The following DNASE2 variants were observed in gnomAD, a reference collection of about 807,000 sequenced individuals.
The protein encoded by DNASE2 is deoxyribonuclease 2, lysosomal, also known as deoxyribonuclease-2-alpha.
In DNASE2, 26 loss-of-function variants were observed where a neutral mutation model predicts 29.8. The ratio of observed to expected loss-of-function variants is 0.87; its 90% CI spans 0.64 to 1.21. DNASE2 has a LOEUF of 1.21. DNASE2 is among the 50% of genes most tolerant of loss of function. The pLI, the probability that DNASE2 is intolerant of heterozygous loss-of-function variation, is 0.00. For synonymous variants in DNASE2, 186 were observed against 193.5 expected, an observed-to-expected ratio of 0.96 and a Z score of 0.32; for missense variants, 415 against 455.6, an observed-to-expected ratio of 0.91 and a Z score of 0.81.
chr19:12,877,235 A>G (rs1970331715), intron 5 of DNASE2, among the ~76,000 whole-genome samples: 1 of 151,052 alleles, frequency 6.6e-6, no homozygotes, highest in South Asian at 2.1e-4. Context: ...GAGTGTTTTT[A>G]ATTAATTAAC....
At chr19:12,879,200 A>T (rs886969119) in intron 3 of DNASE2, among the ~76,000 whole-genome samples, 2 of 151,320 alleles carry the variant, frequency 1.3e-5, no homozygotes, top group African/African-American at 4.9e-5. Flanking sequence ...ATAAAAATTT[A>T]AAAAAAGAAG....
At chr19:12,878,992 A>G (rs1238161135) in intron 3 of DNASE2, among the ~76,000 whole-genome samples, 158 bp from the exon 4 acceptor site, 1 of 151,508 alleles carries the variant, frequency 6.6e-6, no homozygotes, top group African/African-American at 2.4e-5. Flanking sequence ...AAAATACAAA[A>G]ATTAGCTGAG....
intron 3 of DNASE2, among the ~76,000 whole-genome samples, chr19:12,879,950 C>A (rs1970361715): frequency 6.6e-6 from 1 of 151,876 alleles, no homozygotes; most frequent in Admixed American, 6.6e-5. Flanking sequence ...CTAAAACATA[C>A]AACATTTAGC....
In DNASE2 at chr19:12,876,139, T is replaced by C; in HGVS notation, c.934A>G (p.Met312Val). 1.2e-6 allele frequency: 2 copies of C among 1,614,212 alleles called. No individual in the cohort carries two copies. Among genetic ancestry groups the C allele is most frequent in the Non-Finnish European group, 8.5e-7 (1 of 1,180,030 alleles). Residue 312 changes from methionine to valine, a missense_variant, in exon 6 of 6, where the codon ATG becomes GTG. Coordinates refer to ENST00000222219, the MANE Select transcript of DNASE2 (RefSeq NM_001375.3). ...PKGPWTCVGD[M>V]NRNQGEEQRG... ...TGCTCCTCTCCCTGGTTCCGATTCA[T>C]GTCACCCACGCAGGTCCAGGGCCCT... is the stretch of plus-strand genomic sequence containing the variant.
chr19:12,875,708 C>A lies in DNASE2; in HGVS notation c.*282G>T. 3.3e-6 allele frequency: 1 copy of A among 300,402 alleles called. No homozygotes were observed. Among genetic ancestry groups the A allele is most frequent in the Non-Finnish European group, 6.3e-6 (1 of 158,522 alleles). The allele number at this position is 300,402 out of a possible 1,614,324, so 18.6% of individuals were successfully genotyped here. Reference sequence around the variant, plus strand: ...TGCACCCACCCGTCCCCCGCCCCCCCTTTTTTTTTGAAACAGAGTCTTGCT... The same window carrying A: ...TGCACCCACCCGTCCCCCGCCCCCCATTTTTTTTTGAAACAGAGTCTTGCT... On this transcript the variant is annotated 3_prime_UTR_variant, in exon 6 of 6. Coordinates refer to ENST00000222219, the MANE Select transcript of DNASE2 (RefSeq NM_001375.3).
chr19:12,876,478 G>A (rs1355540429), intron 5 of DNASE2, 115 bp from the exon 6 acceptor site: 2 of 803,382 alleles, frequency 2.5e-6, no homozygotes, highest in African/African-American at 8.3e-5. Flanking sequence ...TTTTTTTTTT[G>A]ACATGGAGTC....
At chr19:12,879,386 A>G (rs964347380) in intron 3 of DNASE2, among the ~76,000 whole-genome samples, 1 of 146,914 alleles carries the variant, frequency 6.8e-6, no homozygotes, top group African/African-American at 2.5e-5. Context: ...CGGGAGGCTG[A>G]TGCAGGAGAA....
rs914583128 is a variant in DNASE2 at position 12,876,197 on chromosome 19, T to C, written c.876A>G (p.Thr292=). 24 of 1,614,090 alleles carry C rather than the reference T, an allele frequency of 1.5e-5. No individual in the cohort carries two copies. The highest frequency in any genetic ancestry group is 1.9e-5 in the Non-Finnish European group (23 of 1,180,042). Residue 292 remains threonine, a synonymous_variant, in exon 6 of 6, where the codon ACA becomes ACG. Coordinates refer to ENST00000222219, the MANE Select transcript of DNASE2 (RefSeq NM_001375.3). ...ACACGCACCATTTGGAGTGGTCCTC[T>C]GTGCTGTTGAAGCTTGGGCCGGCTG... The part of the protein sequence containing the change: ...PGPAGPSFNS[T]EDHSKWCVSP...
intron 1 of DNASE2, 29 bp from the exon 2 acceptor site, chr19:12,881,181 G>A: frequency 6.2e-7 from 1 of 1,611,812 alleles, no homozygotes; most frequent in Non-Finnish European, 8.5e-7. Context: ...ACAGAAATAG[G>A]AGAGAGGGAA....
At position 12,876,275 on chromosome 19, in the gene DNASE2, G is replaced by A; in HGVS notation, c.798C>T (p.Asn266=). 1 of 1,614,166 alleles carries A rather than the reference G, an allele frequency of 6.2e-7. No individual in the cohort carries two copies. The highest frequency in any genetic ancestry group is 8.5e-7 in the Non-Finnish European group (1 of 1,180,022). Residue 266 remains asparagine, a synonymous_variant, in exon 6 of 6, where the codon AAC becomes AAT. Transcript: ENST00000222219. The part of the protein sequence containing the change: ...WHKTVGILPS[N]CSDIWQVLNV... ...TCAGAACCTGCCAGATATCCGAGCA[G>A]TTAGAGGGCAGGATGCCTACAGTTT...
intron 5 of DNASE2, among the ~76,000 whole-genome samples, chr19:12,876,856 T>A (rs1970327081): frequency 6.6e-6 from 1 of 152,054 alleles, no homozygotes; most frequent in South Asian, 2.1e-4. Context: ...AGAGTCTCAC[T>A]CTGTCGCCCA....
rs1259783658 is a variant in DNASE2, at chr19:12,876,400, G to A, written c.710-37C>T. 2.5e-6 allele frequency: 4 copies of A among 1,603,548 alleles called. No individual in the cohort carries two copies. The African/African-American group carries it at 4.0e-5, about 16-fold the overall frequency. Reference sequence around the variant, plus strand: ...GGAGAGAGGGCACAGGTAGGGTCAGGGCCACTGCGAGGGAGTCCCTAGTCC... The same window carrying A: ...GGAGAGAGGGCACAGGTAGGGTCAGAGCCACTGCGAGGGAGTCCCTAGTCC... On this transcript the variant is annotated intron_variant, in intron 5 of 5. Transcript: ENST00000222219.
In DNASE2 at chr19:12,881,334, G is replaced by T; in HGVS notation, c.42C>A (p.Ala14=). 6.4e-7 allele frequency: 1 copy of T among 1,569,262 alleles called. No homozygotes were observed. The highest frequency in any genetic ancestry group is 8.6e-7 in the Non-Finnish European group (1 of 1,158,184). The change falls in exon 1 of 6, where the codon GCC becomes GCA. Residue 14 remains alanine, a synonymous_variant. Transcript: ENST00000222219. The part of the protein sequence containing the change: ...LLLAALLCVP[A]GALTCYGDSG... Reference sequence around the variant, plus strand: ...AGTCCCCGTAGCAGGTCAGGGCCCCGGCGGGGACGCACAGCAGCGCTGCCA... The same window carrying T: ...AGTCCCCGTAGCAGGTCAGGGCCCCTGCGGGGACGCACAGCAGCGCTGCCA...
In DNASE2 at chr19:12,875,260, T is replaced by C; in HGVS notation, c.*730A>G. The C allele has an allele frequency of 3.7e-6, 1 of 269,490 alleles. No individual in the cohort carries two copies. Among genetic ancestry groups the C allele is most frequent in the South Asian group, 4.7e-5 (1 of 21,118 alleles). 16.7% of individuals were successfully genotyped at this position (269,490 alleles called of 1,614,324 possible). A position where few individuals can be genotyped will look rare whatever the true frequency, so the allele number is the denominator to read the frequency against. On this transcript the variant is annotated 3_prime_UTR_variant, in exon 6 of 6. Transcript: ENST00000222219. Reference sequence around the variant, plus strand: ...TCAACAATCCTGATGGCAGGTATTATGTTTCCCATTTTGCAGACAGGTAGA... The same window carrying C: ...TCAACAATCCTGATGGCAGGTATTACGTTTCCCATTTTGCAGACAGGTAGA...
chr19:12,880,816 C>T lies in DNASE2; in HGVS notation c.332G>A (p.Arg111His), dbSNP rs773706370. 2 of 1,614,108 alleles carry T rather than the reference C, an allele frequency of 1.2e-6. No individual in the cohort carries two copies. The highest frequency in any genetic ancestry group is 1.7e-6 in the Non-Finnish European group (2 of 1,180,050). Residue 111 changes from arginine (R) to histidine (H), a missense_variant, in exon 3 of 6, where the codon CGT becomes CAT. Arg to His is a conservative substitution (Grantham distance 29). Transcript: ENST00000222219. ...QPSKAQDSSM[R>H]GHTKGVLLLD... ...CCAGGCCTCACCCTTCGTGTGCCCACGCATGGAAGAGTCCTGAGCCTTGCT... is the reference window on the plus strand; with the variant it reads ...CCAGGCCTCACCCTTCGTGTGCCCATGCATGGAAGAGTCCTGAGCCTTGCT...
chr19:12,880,929 A>G, intron 2 of DNASE2, 43 bp downstream of exon 2: 1 of 1,614,222 alleles, frequency 6.2e-7, no homozygotes, highest in Non-Finnish European at 8.5e-7. Flanking sequence ...CAGGCAGGGC[A>G]GCCCTAGAGT....
Position 12,881,397 on chromosome 19 carries a change from C to G in DNASE2, c.-22G>C, listed in dbSNP as rs2145923695. On this transcript the variant is annotated 5_prime_UTR_variant, in exon 1 of 6. Coordinates refer to ENST00000222219, the MANE Select transcript of DNASE2 (RefSeq NM_001375.3). ...TCATAGCTGCTATGGGGCTGAGATC[C>G]AGGAATCTGTGTCGGGACTGCGGGG... 3.2e-6 allele frequency: 5 copies of G among 1,551,070 alleles called. No individual in the cohort carries two copies. Among genetic ancestry groups the G allele is most frequent in the Non-Finnish European group, 4.4e-6 (5 of 1,148,304 alleles).
At position 12,876,091 on chromosome 19, in the gene DNASE2, C is replaced by T; in HGVS notation, c.982G>A (p.Ala328Thr). 6.2e-7 allele frequency: 1 copy of T among 1,613,714 alleles called. No homozygotes were observed. The highest frequency in any genetic ancestry group is 8.5e-7 in the Non-Finnish European group (1 of 1,179,954). ...EEQRGGGTLC[A>T]QLPALWKAFQ... Reference sequence around the variant, plus strand: ...GCTTTCCAGAGGGCTGGCAGCTGGGCACACAGTGTGCCCCCACCCCGTTGC... The same window carrying T: ...GCTTTCCAGAGGGCTGGCAGCTGGGTACACAGTGTGCCCCCACCCCGTTGC... The change falls in exon 6 of 6, where the codon GCC becomes ACC. Residue 328 changes from alanine (A) to threonine (T), a missense_variant. Physicochemically the swap from Ala to Thr is moderately conservative, Grantham distance 58 (BLOSUM62 0). Transcript: ENST00000222219.
At position 12,876,744 on chromosome 19, in the gene DNASE2, G is replaced by A. The variant is rs184990775; in HGVS notation, c.710-381C>T. On this transcript the variant is annotated intron_variant, in intron 5 of 5. Transcript: ENST00000222219. ...TGGGACTACAGGTGTGTGTCACCGC[G>A]CCCTGCCACAGTTTCCATATTTCTG... is the stretch of plus-strand genomic sequence containing the variant. 3.9e-3 allele frequency among the ~76,000 whole-genome samples: 593 copies of A among 151,882 alleles called. 2 individuals are homozygous for A. Among genetic ancestry groups the A allele is most frequent in the African/African-American group, 0.014 (564 of 41,394 alleles).
Sources: allele counts gnomAD v4.1 joint callset (sites outside exome capture counted in the v4.1 genomes callset), GRCh38; gene constraint gnomAD v4.1.1; transcripts MANE v1.5; gene names NCBI Gene and HGNC (gene_info 2026-07-23, HGNC 2026-07-21).